Variants in ZNF407 observed in about 807,000 individuals in gnomAD.
The protein encoded by ZNF407 is zinc finger protein 407.
In ZNF407, 17 loss-of-function variants were observed where a neutral mutation model predicts 131.2. That is an observed-to-expected ratio of 0.13 (90% CI 0.09 to 0.19). The LOEUF (loss-of-function observed/expected upper bound fraction) is 0.19, where lower values mean the gene tolerates loss of function less well. ZNF407 is among the 10% of genes least tolerant of loss of function. The pLI is 1.00. For synonymous variants in ZNF407, 1,156 were observed against 1,062.0 expected (o/e 1.09, Z -1.72); for missense variants, 2,681 against 2,830.6 (o/e 0.95, Z 1.20).
intron 8 of ZNF407, among the ~76,000 whole-genome samples, chr18:75,002,598 C>A (rs1000825738): frequency 6.6e-6 from 1 of 151,976 alleles, no homozygotes; most frequent in Non-Finnish European, 1.5e-5. Context: ...GTCAGGAGAT[C>A]GAGACCATCC....
intron 3 of ZNF407, among the ~76,000 whole-genome samples, chr18:74,723,733 G>T (rs1184511804): frequency 1.3e-5 from 2 of 152,064 alleles, no homozygotes; most frequent in African/African-American, 4.8e-5. Flanking sequence ...CTTTCCTGAT[G>T]CCTTCTCTCA....
intron 3 of ZNF407, among the ~76,000 whole-genome samples, chr18:74,758,481 A>G (rs1297631696): frequency 1.3e-5 from 2 of 152,192 alleles, no homozygotes; most frequent in Non-Finnish European, 2.9e-5. Flanking sequence ...ACTGTCATAT[A>G]AAATGTATCT....
chr18:74,612,653 C>T (rs1213172930), intron 1 of ZNF407, among the ~76,000 whole-genome samples: 1 of 152,168 alleles, frequency 6.6e-6, no homozygotes, highest in Non-Finnish European at 1.5e-5. Flanking sequence ...GTGCCAGGCA[C>T]TGATATGAAC....
chr18:74,951,493 T>C (rs1487554981), intron 8 of ZNF407, among the ~76,000 whole-genome samples: 1 of 152,220 alleles, frequency 6.6e-6, no homozygotes, highest in Non-Finnish European at 1.5e-5. Flanking sequence ...TTGACCCTTC[T>C]GCCTCTCACT....
Position 74,896,918 on chromosome 18 carries a change from T to G in ZNF407, c.5249+6880T>G, listed in dbSNP as rs1456071294. Among the ~76,000 whole-genome samples the G allele has an allele frequency of 2.0e-5, 3 of 152,238 alleles. No homozygotes were observed. In the South Asian group the frequency reaches 6.2e-4, roughly 32 times the overall value. ...CTTGAGTTCTTCCTGAATGAAATAT[T>G]TCCTAGTTTTCTCTGCCCATTTCAT... On this transcript the variant is annotated intron_variant, in intron 7 of 8. Coordinates refer to ENST00000299687, the MANE Select transcript of ZNF407 (RefSeq NM_017757.3).
At chr18:74,908,831 T>C (rs1971630097) in intron 7 of ZNF407, among the ~76,000 whole-genome samples, 1 of 152,144 alleles carries the variant, frequency 6.6e-6, no homozygotes, top group African/African-American at 2.4e-5. Flanking sequence ...AAGCAACATA[T>C]ATGGAGGCTT....
At chr18:74,777,745 C>CTG in intron 3 of ZNF407, among the ~76,000 whole-genome samples, 1 of 84,188 alleles carries the variant, frequency 1.2e-5, no homozygotes, top group Non-Finnish European at 3.0e-5. Flanking sequence ...CTCTCTCTCT[C>CTG]TCTCTCATTC....
At chr18:74,801,344 A>G (rs775441293) in intron 4 of ZNF407, among the ~76,000 whole-genome samples, 25 of 152,032 alleles carry the variant, frequency 1.6e-4, no homozygotes, top group Non-Finnish European at 1.2e-4. Context: ...TTTTTCTTTC[A>G]TTATCAGTGT....
At chr18:74,892,496 G>A (rs1297969011) in intron 7 of ZNF407, among the ~76,000 whole-genome samples, 1 of 152,168 alleles carries the variant, frequency 6.6e-6, no homozygotes, top group African/African-American at 2.4e-5. Flanking sequence ...GTCATCTCAG[G>A]TGAATGTTTC....
chr18:74,951,649 C>T (rs1972215684), intron 8 of ZNF407, among the ~76,000 whole-genome samples: 1 of 152,094 alleles, frequency 6.6e-6, no homozygotes, highest in African/African-American at 2.4e-5. Flanking sequence ...TTTATTTCCT[C>T]TGTTGTTGAG....
At chr18:75,047,703 G>A (rs899239114) in intron 8 of ZNF407, among the ~76,000 whole-genome samples, 1 of 152,214 alleles carries the variant, frequency 6.6e-6, no homozygotes, top group Non-Finnish European at 1.5e-5. Flanking sequence ...GATCACCAGC[G>A]TAATGCAAAC....
chr18:74,755,582 G>GT (rs541126314), intron 3 of ZNF407, among the ~76,000 whole-genome samples: 11 of 87,338 alleles, frequency 1.3e-4, no homozygotes, highest in African/African-American at 5.1e-4. Context: ...CTCCTTTCTG[G>GT]TTTTTTTTTT....
intron 4 of ZNF407, among the ~76,000 whole-genome samples, chr18:74,876,942 C>T (rs765242606): frequency 6.6e-6 from 1 of 152,208 alleles, no homozygotes; most frequent in Non-Finnish European, 1.5e-5. Context: ...ACTTTTGCCT[C>T]AGGGGTGACT....
chr18:74,755,741 C>CTTTCTTTCTTTCTTTCTT (rs1568199807), intron 3 of ZNF407, among the ~76,000 whole-genome samples: 1 of 111,330 alleles, frequency 9.0e-6, no homozygotes, highest in Non-Finnish European at 1.7e-5. Flanking sequence ...TTCTTTCTTT[C>CTTTCTTTCTTTCTTTCTT]TTTCTTTCTT....
chr18:74,639,532 A>C (rs918617125), intron 2 of ZNF407, among the ~76,000 whole-genome samples: 2 of 152,178 alleles, frequency 1.3e-5, no homozygotes, highest in African/African-American at 4.8e-5. Context: ...TGTATTTTCT[A>C]ATGTGACTGA....
chr18:74,783,060 A>AGT (rs1324885056), intron 4 of ZNF407, among the ~76,000 whole-genome samples: 3 of 152,200 alleles, frequency 2.0e-5, no homozygotes. Flanking sequence ...ATGTTTCATA[A>AGT]GTGTTGTTTA....
chr18:74,659,154 C>T lies in ZNF407; in HGVS notation c.4802+18032C>T, dbSNP rs370787475. ...GGGCTTGCTTTCTGATTTCATAATA[C>T]GTAAATATATCATTGTGGTTTAGAT... On this transcript the variant is annotated intron_variant, in intron 3 of 8. Transcript: ENST00000299687. Among the ~76,000 whole-genome samples the T allele has an allele frequency of 9.9e-5, 15 of 152,088 alleles. 1 individual carries two copies. The highest frequency in any genetic ancestry group is 7.7e-4 in the East Asian group (4 of 5,176).
chr18:74,964,514 T>A (rs1972386784), intron 8 of ZNF407, among the ~76,000 whole-genome samples: 1 of 152,114 alleles, frequency 6.6e-6, no homozygotes, highest in African/African-American at 2.4e-5. Context: ...CCATCTTGCT[T>A]TGTCAAGTAA....
chr18:74,797,470 G>A (rs1295541251), intron 4 of ZNF407, among the ~76,000 whole-genome samples: 1 of 152,188 alleles, frequency 6.6e-6, no homozygotes, highest in Admixed American at 6.5e-5. Context: ...ACAGGCTGTC[G>A]ACAGAGAGAA....
Sources: gnomAD v4.1 joint callset for allele counts (sites outside exome capture counted in the v4.1 genomes callset) on GRCh38, gnomAD v4.1.1 for gene constraint, MANE v1.5 for transcripts, NCBI Gene and HGNC (gene_info 2026-07-23, HGNC 2026-07-21) for gene names.